EIF3L: variants seen among roughly 807,000 people sequenced by gnomAD.
EIF3L encodes eIEF associated protein HSPC021.
EIF3L carries 32 observed loss-of-function variants against 74.6 expected under a neutral mutation model. The ratio of observed to expected loss-of-function variants is 0.43; its 90% CI spans 0.32 to 0.58. The LOEUF (loss-of-function observed/expected upper bound fraction) is 0.58, where lower values mean the gene tolerates loss of function less well. Ranked by LOEUF, EIF3L falls within the 20% of genes least tolerant of loss-of-function variation. The pLI, the probability that EIF3L is intolerant of heterozygous loss-of-function variation, is 0.06. For synonymous variants in EIF3L, 256 were observed against 254.4 expected (o/e 1.01, Z -0.06); for missense variants, 474 against 707.8 (o/e 0.67, Z 3.75).
intron 5 of EIF3L, 79 bp from the exon 6 acceptor site, chr22:37,862,890 A>T: frequency 9.9e-7 from 1 of 1,011,902 alleles, no homozygotes; most frequent in Non-Finnish European, 1.5e-6. Flanking sequence ...GTATTTGTTC[A>T]CAGCTGTCAC....
chr22:37,871,442 G>C (rs974956288), intron 8 of EIF3L, among the ~76,000 whole-genome samples: 1 of 152,174 alleles, frequency 6.6e-6, no homozygotes, highest in African/African-American at 2.4e-5. Flanking sequence ...CATATGAGCA[G>C]TTGCAGTCAG....
intron 3 of EIF3L, among the ~76,000 whole-genome samples, chr22:37,855,332 T>C (rs1403683068): frequency 6.6e-6 from 1 of 152,142 alleles, no homozygotes; most frequent in Non-Finnish European, 1.5e-5. Context: ...CAGGAGATTA[T>C]CCTGAAAAGC....
At chr22:37,862,563 G>A (rs934873235) in intron 5 of EIF3L, among the ~76,000 whole-genome samples, 8 of 152,304 alleles carry the variant, frequency 5.3e-5, no homozygotes, top group South Asian at 2.1e-4. Flanking sequence ...CTTGTTTGGC[G>A]TTGGAAGACT....
At chr22:37,874,895 A>ATTTTT (rs35994639) in intron 9 of EIF3L, among the ~76,000 whole-genome samples, 15 of 113,474 alleles carry the variant, frequency 1.3e-4, no homozygotes, top group East Asian at 2.5e-4. Flanking sequence ...TGCCCAGCTA[A>ATTTTT]TTTTTTTTTT....
At chr22:37,860,980 G>A (rs1925824902) in intron 5 of EIF3L, among the ~76,000 whole-genome samples, 1 of 152,084 alleles carries the variant, frequency 6.6e-6, no homozygotes, top group Non-Finnish European at 1.5e-5. Flanking sequence ...AATATTCGTG[G>A]CACTTCAGAG....
At chr22:37,863,132 G>T (rs1487971396) in intron 6 of EIF3L, 94 bp downstream of exon 6, 10 of 1,204,458 alleles carry the variant, frequency 8.3e-6, no homozygotes, top group Non-Finnish European at 1.2e-5. Flanking sequence ...AAATTAGCAG[G>T]ATCTTAATGT....
At chr22:37,870,476 T>C (rs1926411693) in intron 8 of EIF3L, 129 bp downstream of exon 8, 7 of 881,136 alleles carry the variant, frequency 7.9e-6, no homozygotes, top group Non-Finnish European at 1.0e-5. Context: ...GTTGACTCTT[T>C]GTAGGTGCTT....
At chr22:37,868,246 C>T (rs1926269463) in intron 7 of EIF3L, among the ~76,000 whole-genome samples, 1 of 147,638 alleles carries the variant, frequency 6.8e-6, no homozygotes, top group African/African-American at 2.5e-5. Context: ...TCCCAAGTAT[C>T]TGGATTACAG....
Position 37,888,069 on chromosome 22 carries a change from G to T in EIF3L, c.1657-357G>T, listed in dbSNP as rs188981897. 2.4e-5 allele frequency: 5 copies of T among 209,624 alleles called. No individual in the cohort carries two copies. In the Admixed American group the frequency reaches 2.9e-4, roughly 12 times the overall value. 13.0% of individuals were successfully genotyped at this position (209,624 alleles called of 1,614,324 possible). A position where few individuals can be genotyped will look rare whatever the true frequency, so the allele number is the denominator to read the frequency against. On this transcript the variant is annotated intron_variant, in intron 12 of 12. Transcript: ENST00000652021. ...TGTTTAGATCACATCTGTCAGGGTG[G>T]TGGGCTAGGGCTGTCTTCTAACAAG...
At chr22:37,885,842 G>A (rs1043510874) in intron 11 of EIF3L, 1 of 149,928 alleles carries the variant, frequency 6.7e-6, no homozygotes, top group African/African-American at 2.4e-5. Flanking sequence ...AAAGTGCTGG[G>A]ATTACAGGCG....
chr22:37,868,797 T>C (rs758574317), intron 7 of EIF3L, among the ~76,000 whole-genome samples: 2 of 151,562 alleles, frequency 1.3e-5, no homozygotes, highest in Admixed American at 6.6e-5. Flanking sequence ...CATGTATCAC[T>C]GTACCTGGCT....
chr22:37,879,790 C>T (rs1031351969), intron 11 of EIF3L: 6 of 151,690 alleles, frequency 4.0e-5, no homozygotes, highest in African/African-American at 1.5e-4. Flanking sequence ...GCCATACTGC[C>T]ACTGCACAAA....
At chr22:37,853,228 C>T (rs1165826503) in intron 3 of EIF3L, among the ~76,000 whole-genome samples, 1 of 152,076 alleles carries the variant, frequency 6.6e-6, no homozygotes, top group Non-Finnish European at 1.5e-5. Context: ...CTGTACGGGT[C>T]GACAGCATCC....
intron 4 of EIF3L, among the ~76,000 whole-genome samples, chr22:37,856,772 A>T (rs548767478): frequency 6.6e-6 from 1 of 151,922 alleles, no homozygotes; most frequent in South Asian, 2.1e-4. Context: ...TGAACCCGGA[A>T]GGCAGAGGTT....
intron 5 of EIF3L, among the ~76,000 whole-genome samples, chr22:37,859,243 T>A (rs1482259106): frequency 6.6e-6 from 1 of 151,854 alleles, no homozygotes; most frequent in Non-Finnish European, 1.5e-5. Flanking sequence ...TTTATCCAGC[T>A]AGTAAGTGAC....
chr22:37,873,205 G>A (rs918737240), intron 8 of EIF3L, among the ~76,000 whole-genome samples: 9 of 151,834 alleles, frequency 5.9e-5, no homozygotes, highest in Non-Finnish European at 1.3e-4. Context: ...GGCAGGCTGG[G>A]CTCAAACTCC....
intron 7 of EIF3L, among the ~76,000 whole-genome samples, chr22:37,863,997 G>A (rs1213129811): frequency 5.3e-5 from 8 of 152,036 alleles, no homozygotes; most frequent in Admixed American, 1.3e-4. Context: ...CCTAGGAGGC[G>A]GAGCTTGCAG....
At chr22:37,862,804 G>A (rs1392520149) in intron 5 of EIF3L, among the ~76,000 whole-genome samples, 165 bp from the exon 6 acceptor site, 1 of 152,178 alleles carries the variant, frequency 6.6e-6, no homozygotes, top group Non-Finnish European at 1.5e-5. Context: ...TGCGTCAGCT[G>A]CTATAGGACT....
intron 4 of EIF3L, among the ~76,000 whole-genome samples, chr22:37,856,525 C>G (rs1274061176): frequency 1.3e-5 from 2 of 152,174 alleles, no homozygotes; most frequent in African/African-American, 4.8e-5. Flanking sequence ...GTCTTGATTA[C>G]TATATTTTTG....
Sources: gnomAD v4.1 joint callset for allele counts (sites outside exome capture counted in the v4.1 genomes callset) on GRCh38, gnomAD v4.1.1 for gene constraint, MANE v1.5 for transcripts, NCBI Gene and HGNC (gene_info 2026-07-23, HGNC 2026-07-21) for gene names.